The following ARFGEF1 variants were observed in gnomAD, a reference collection of about 807,000 sequenced individuals.
The protein encoded by ARFGEF1 is ARF guanine nucleotide exchange factor 1.
Under a neutral mutation model 231.0 loss-of-function variants are expected in ARFGEF1, and 42 were observed. The ratio of observed to expected loss-of-function variants is 0.18; its 90% CI spans 0.14 to 0.24. The LOEUF (loss-of-function observed/expected upper bound fraction) is 0.24. Ranked by LOEUF, ARFGEF1 falls within the 10% of genes least tolerant of loss-of-function variation. ARFGEF1 has a pLI of 1.00. For missense variants in ARFGEF1, 1,345 were observed against 2,192.0 expected, an observed-to-expected ratio of 0.61 and a Z score of 7.72; for synonymous variants, 710 against 732.3, an observed-to-expected ratio of 0.97 and a Z score of 0.49.
intron 5 of ARFGEF1, among the ~76,000 whole-genome samples, chr8:67,293,736 T>C (rs139527055): frequency 1.3e-5 from 2 of 152,256 alleles, no homozygotes; most frequent in South Asian, 2.1e-4. Flanking sequence ...CTCCCTTGTG[T>C]AGTCCCTTTC....
At chr8:67,277,732 T>C (rs1281435935) in intron 7 of ARFGEF1, among the ~76,000 whole-genome samples, 2 of 152,218 alleles carry the variant, frequency 1.3e-5, no homozygotes, top group African/African-American at 4.8e-5. Context: ...TTTTAGTCTA[T>C]ATTAGCATTT....
intron 18 of ARFGEF1, 114 bp from the exon 19 acceptor site, chr8:67,251,564 C>T: frequency 5.0e-6 from 5 of 1,008,120 alleles, no homozygotes; most frequent in Non-Finnish European, 6.9e-6. Context: ...TCCTAAGAAG[C>T]AAGACACAAG....
In ARFGEF1 at chr8:67,253,535, C is replaced by A. The variant is rs1408047976; in HGVS notation, c.2614G>T (p.Ala872Ser). 1.3e-6 allele frequency: 2 copies of A among 1,581,876 alleles called. No homozygotes were observed. The highest frequency in any genetic ancestry group is 1.7e-6 in the Non-Finnish European group (2 of 1,151,928). ...TTCCCAGCTATTTCATTATAGATGG[C>A]TGATAGATACTCTTCAGGAAGGTCT... is the stretch of plus-strand genomic sequence containing the variant. ...SKDLPEEYLS[A>S]IYNEIAGKKI... The change falls in exon 18 of 39, where the codon GCC becomes TCC. Residue 872 changes from alanine (A) to serine (S), a missense_variant. This residue lies in a region of ARFGEF1 where 58 missense variants were observed against 133.6 expected (regional missense o/e 0.43). Transcript: ENST00000262215.
At chr8:67,311,502 G>A (rs1433910345) in intron 1 of ARFGEF1, among the ~76,000 whole-genome samples, 3 of 143,808 alleles carry the variant, frequency 2.1e-5, no homozygotes, top group East Asian at 2.2e-4. Flanking sequence ...CGCCCCGTCC[G>A]GGAGGGAGGT....
At chr8:67,201,733 C>A (rs1460110458) in intron 36 of ARFGEF1, 128 bp from the exon 37 acceptor site, 6 of 1,239,068 alleles carry the variant, frequency 4.8e-6, no homozygotes, top group Middle Eastern at 2.7e-4. Context: ...AACGGAGCCA[C>A]AGCAGCCTGA....
chr8:67,177,841 G>A (rs571627201), intron 5 of ARFGEF1: 23 of 788,166 alleles, frequency 2.9e-5, no homozygotes, highest in Admixed American at 1.3e-4. Context: ...AATTAAGAAC[G>A]TAAGTCTTAT....
chr8:67,192,063 TTTG>T (rs1003040413), intron 5 of ARFGEF1, among the ~76,000 whole-genome samples: 5 of 142,434 alleles, frequency 3.5e-5, no homozygotes, highest in Admixed American at 6.9e-5. Flanking sequence ...CCTTTGCTGA[TTTG>T]TTTTTTTTTT....
At chr8:67,187,101 C>A (rs1834884353) in intron 5 of ARFGEF1, among the ~76,000 whole-genome samples, 1 of 152,010 alleles carries the variant, frequency 6.6e-6, no homozygotes, top group Non-Finnish European at 1.5e-5. Context: ...TATTTCATGA[C>A]CATGCACAGG....
intron 19 of ARFGEF1, among the ~76,000 whole-genome samples, chr8:67,243,517 C>T (rs1839995995): frequency 6.6e-6 from 1 of 152,114 alleles, no homozygotes; most frequent in South Asian, 2.1e-4. Flanking sequence ...ATTCAATTAC[C>T]TCCCACTGGG....
intron 1 of ARFGEF1, among the ~76,000 whole-genome samples, chr8:67,311,519 G>T (rs1437400856): frequency 2.7e-5 from 4 of 145,942 alleles, no homozygotes; most frequent in South Asian, 4.4e-4. Context: ...AGGTGGGGGG[G>T]GGTCAGCCCC....
rs1347685547 is a variant in ARFGEF1 at position 67,204,913 on chromosome 8, A to G, written c.4820-94T>C. 9.7e-6 allele frequency: 14 copies of G among 1,444,538 alleles called. No individual in the cohort carries two copies. The East Asian group carries it at 1.2e-4, about 12-fold the overall frequency. 89.5% of individuals were successfully genotyped at this position (1,444,538 alleles called of 1,614,324 possible). On this transcript the variant is annotated intron_variant, in intron 34 of 38. Coordinates refer to ENST00000262215, the MANE Select transcript of ARFGEF1 (RefSeq NM_006421.5). ...ATATTACAATGCTAAGGAAACATCA[A>G]TATGTATTCACATATCACACTGAGA...
intron 30 of ARFGEF1, among the ~76,000 whole-genome samples, 160 bp from the exon 31 acceptor site, chr8:67,218,298 G>A (rs1317535137): frequency 7.0e-6 from 1 of 143,142 alleles, no homozygotes; most frequent in Non-Finnish European, 1.5e-5. Flanking sequence ...ATTCCCTCTA[G>A]AACGTTATAT....
intron 5 of ARFGEF1, among the ~76,000 whole-genome samples, chr8:67,294,226 A>G (rs1268792099): frequency 6.6e-6 from 1 of 152,180 alleles, no homozygotes; most frequent in East Asian, 1.9e-4. Context: ...AGACTTGAGT[A>G]TCCACAGATT....
chr8:67,224,771 C>T, intron 29 of ARFGEF1, 132 bp downstream of exon 29: 3 of 491,036 alleles, frequency 6.1e-6, no homozygotes, highest in Non-Finnish European at 9.7e-6. Context: ...TAAAATATAC[C>T]TAATAATTAA....
intron 1 of ARFGEF1, among the ~76,000 whole-genome samples, chr8:67,324,836 T>A (rs1266781502): frequency 6.6e-6 from 1 of 151,736 alleles, no homozygotes; most frequent in African/African-American, 2.4e-5. Flanking sequence ...AATCCCATGG[T>A]AAAACTGGAG....
chr8:67,338,048 C>A (rs1808429113), intron 1 of ARFGEF1, among the ~76,000 whole-genome samples: 1 of 152,120 alleles, frequency 6.6e-6, no homozygotes. Context: ...AAATATTTCC[C>A]CAAATTATTT....
rs1163829562 is a variant in ARFGEF1, at chr8:67,343,535, C to G, written c.-248G>C. On this transcript the variant is annotated 5_prime_UTR_variant, in exon 1 of 39. Coordinates refer to ENST00000262215, the MANE Select transcript of ARFGEF1 (RefSeq NM_006421.5). ...CTCGAGGGCCGCGCCCGTCGGGCCTCCGCTTCTCCCGGCCCGGGGGTCGCG... is the reference window on the plus strand; with the variant it reads ...CTCGAGGGCCGCGCCCGTCGGGCCTGCGCTTCTCCCGGCCCGGGGGTCGCG... 2.7e-5 allele frequency: 31 copies of G among 1,162,912 alleles called. No individual in the cohort carries two copies. Among genetic ancestry groups the G allele is most frequent in the Middle Eastern group, 3.6e-4 (1 of 2,790 alleles). The allele number at this position is 1,162,912 out of a possible 1,614,324, so 72.0% of individuals were successfully genotyped here. A position where few individuals can be genotyped will look rare whatever the true frequency, so the allele number is the denominator to read the frequency against.
At chr8:67,337,151 A>AAC (rs71249436) in intron 1 of ARFGEF1, among the ~76,000 whole-genome samples, 7 of 150,778 alleles carry the variant, frequency 4.6e-5, no homozygotes, top group African/African-American at 7.3e-5. Context: ...AAAAAAAAAA[A>AAC]CAGACAAAAC....
chr8:67,280,183 G>A (rs942460823), intron 7 of ARFGEF1, among the ~76,000 whole-genome samples: 1 of 152,138 alleles, frequency 6.6e-6, no homozygotes, highest in Non-Finnish European at 1.5e-5. Flanking sequence ...TTACCACTTG[G>A]GTTCTAAAAG....
Sources: gnomAD v4.1 joint callset for allele counts (sites outside exome capture counted in the v4.1 genomes callset) on GRCh38, gnomAD v4.1.1 for gene constraint, gnomAD v4.1.1 regional missense constraint, MANE v1.5 for transcripts, NCBI Gene and HGNC (gene_info 2026-07-23, HGNC 2026-07-21) for gene names.